Variants in SEMA4F observed in about 807,000 individuals in gnomAD.
SEMA4F encodes the protein ssemaphorin 4F.
A neutral mutation model predicts 78.4 loss-of-function variants in SEMA4F; 51 were observed. That is an observed-to-expected ratio of 0.65 (90% CI 0.52 to 0.82). The LOEUF (loss-of-function observed/expected upper bound fraction) is 0.82, where lower values mean the gene tolerates loss of function less well. Among genes scored for constraint, SEMA4F ranks in the 40% least tolerant of loss-of-function variants. The pLI is 0.00. For missense variants in SEMA4F, 938 were observed against 1,014.4 expected, an observed-to-expected ratio of 0.92 and a Z score of 1.02; for synonymous variants, 418 against 408.7, an observed-to-expected ratio of 1.02 and a Z score of -0.27.
chr2:74,689,135 G>GA, the SEMA4F span, among the ~76,000 whole-genome samples: 1 of 152,146 alleles, frequency 6.6e-6, no homozygotes, highest in East Asian at 1.9e-4. Context: ...AGCAGCTTGA[G>GA]AAACAGGTTT....
chr2:74,678,957 A>T (rs564884204), intron 12 of SEMA4F, among the ~76,000 whole-genome samples: 2 of 152,248 alleles, frequency 1.3e-5, no homozygotes, highest in East Asian at 3.9e-4. Context: ...GGTTGTGGAG[A>T]ACCAGGTTCA....
intron 5 of SEMA4F, among the ~76,000 whole-genome samples, chr2:74,670,946 C>G (rs1288862499): frequency 5.3e-5 from 8 of 151,878 alleles, no homozygotes; most frequent in Non-Finnish European, 1.2e-4. Context: ...GGAGCTATAA[C>G]TAACATGAAT....
chr2:74,679,718 A>C lies in SEMA4F; in HGVS notation c.1822A>C (p.Thr608Pro). ...WHQPSGVTAL[T>P]PRRDGLEVVV... ...CCAGCCCAGTGGAGTGACTGCACTC[A>C]CCCCCCGGCGGGATGGACTGGAGGT... The change falls in exon 14 of 14, where the codon ACC (threonine) becomes CCC (proline). Residue 608 changes from threonine to proline, a missense_variant. Physicochemically the swap from Thr to Pro is conservative, Grantham distance 38 (BLOSUM62 -1). Coordinates refer to ENST00000357877, the MANE Select transcript of SEMA4F (RefSeq NM_004263.5). The C allele has an allele frequency of 6.2e-7, 1 of 1,613,518 alleles. No homozygotes were observed. Among genetic ancestry groups the C allele is most frequent in the South Asian group, 1.1e-5 (1 of 91,042 alleles).
the SEMA4F span, among the ~76,000 whole-genome samples, chr2:74,696,007 C>T: frequency 2.0e-5 from 3 of 152,090 alleles, no homozygotes; most frequent in Admixed American, 2.0e-4. Context: ...AGCCAGGGCC[C>T]CACCTAAAAT....
chr2:74,689,195 T>C, the SEMA4F span, among the ~76,000 whole-genome samples: 28 of 152,366 alleles, frequency 1.8e-4, no homozygotes, highest in East Asian at 5.2e-3. Flanking sequence ...CCCCTGAAGC[T>C]ACTGAGACAG....
In SEMA4F at chr2:74,658,495, G is replaced by A. The variant is rs558542013; in HGVS notation, c.456+544G>A. Among the ~76,000 whole-genome samples, 6 of 152,260 alleles carry A rather than the reference G, an allele frequency of 3.9e-5. No individual in the cohort carries two copies. Among genetic ancestry groups the A allele is most frequent in the African/African-American group, 1.4e-4 (6 of 41,550 alleles). On this transcript the variant is annotated intron_variant, in intron 4 of 13. Transcript: ENST00000357877. This position sits in a 1 kb window ranked among gnomAD's most constrained non-coding sequence, Gnocchi z 4.3. ...ACTTCCACTAATGTAATATCTGCTG[G>A]CCCCATATTCTGGATCTTGCCTTCA... is the stretch of plus-strand genomic sequence containing the variant.
At chr2:74,689,446 A>G in the SEMA4F span, among the ~76,000 whole-genome samples, 1 of 152,360 alleles carries the variant, frequency 6.6e-6, no homozygotes, top group South Asian at 2.1e-4. Flanking sequence ...CATTCTGGTA[A>G]TATCTATTGA....
rs1457015110 is a variant in SEMA4F, at chr2:74,673,443, C to T, written c.551-14C>T. 6.2e-7 allele frequency: 1 copy of T among 1,613,586 alleles called. No homozygotes were observed. Among genetic ancestry groups the T allele is most frequent in the African/African-American group, 1.3e-5 (1 of 74,930 alleles). On this transcript the variant is annotated splice_polypyrimidine_tract_variant and intron_variant, in intron 5 of 13. Coordinates refer to ENST00000357877, the MANE Select transcript of SEMA4F (RefSeq NM_004263.5). Reference sequence around the variant, plus strand: ...GGGTCCCTGATAGCCCATCTCCTCCCTGTCGCCCTGCAGGGGGGGTCCTCT... The same window carrying T: ...GGGTCCCTGATAGCCCATCTCCTCCTTGTCGCCCTGCAGGGGGGGTCCTCT...
chr2:74,703,832 T>C, the SEMA4F span, among the ~76,000 whole-genome samples: 299 of 152,312 alleles, frequency 2.0e-3, 1 homozygote, highest in African/African-American at 6.6e-3. Context: ...GAGCTGCCAA[T>C]AGGAGGGTCC....
chr2:74,700,434 T>C, the SEMA4F span, among the ~76,000 whole-genome samples: 1 of 152,102 alleles, frequency 6.6e-6, no homozygotes, highest in South Asian at 2.1e-4. Context: ...TGCTGCCCCC[T>C]ACCCCATCCA....
At chr2:74,678,822 T>A (rs1421472331) in intron 12 of SEMA4F, among the ~76,000 whole-genome samples, 1 of 152,052 alleles carries the variant, frequency 6.6e-6, no homozygotes, top group Non-Finnish European at 1.5e-5. Flanking sequence ...AAACAAGAAG[T>A]CACCTCACTG....
chr2:74,705,197 G>A, the SEMA4F span, among the ~76,000 whole-genome samples: 2 of 152,226 alleles, frequency 1.3e-5, no homozygotes, highest in African/African-American at 4.8e-5. Context: ...CTGAGTAGGT[G>A]AGGAATATAA....
chr2:74,655,440 G>A (rs1684080246), intron 1 of SEMA4F: 1 of 218,968 alleles, frequency 4.6e-6, no homozygotes, highest in Non-Finnish European at 1.1e-5. Context: ...GGCATTGAGT[G>A]TTATTAGCAC....
At position 74,673,792 on chromosome 2, in the gene SEMA4F, G is replaced by A. The variant is rs143455366; in HGVS notation, c.786G>A (p.Glu262=). 3 of 1,614,072 alleles carry A rather than the reference G, an allele frequency of 1.9e-6. No homozygotes were observed. The African/African-American group carries it at 4.0e-5, about 22-fold the overall frequency. Residue 262 remains glutamate, a synonymous_variant, in exon 7 of 14, where the codon GAG becomes GAA. Coordinates refer to ENST00000357877, the MANE Select transcript of SEMA4F (RefSeq NM_004263.5). ...CTTCCCGAGCATTTGACTCATACGA[G>A]CGCATTAAAGTCCCACGGGTGGCCC... ...TETSRAFDSY[E]RIKVPRVARV... is the part of the protein sequence containing the mutation.
chr2:74,674,923 G>A lies in SEMA4F; in HGVS notation c.1037G>A (p.Arg346Gln), dbSNP rs1397494654. 5.6e-6 allele frequency: 9 copies of A among 1,613,826 alleles called. No homozygotes were observed. The highest frequency in any genetic ancestry group is 7.6e-6 in the Non-Finnish European group (9 of 1,180,026). Residue 346 changes from arginine to glutamine, a missense_variant, in exon 9 of 14, where the codon CGA (arginine) becomes CAA (glutamine). Transcript: ENST00000357877. The part of the protein sequence containing the change: ...GATISAVCAF[R>Q]PQDIRTVLNG... ...ACTATCTCTGCTGTCTGTGCCTTCCGACCACAAGACATTCGGACAGTGCTG... is the reference window on the plus strand; with the variant it reads ...ACTATCTCTGCTGTCTGTGCCTTCCAACCACAAGACATTCGGACAGTGCTG...
At chr2:74,700,216 G>A in the SEMA4F span, among the ~76,000 whole-genome samples, 1 of 152,134 alleles carries the variant, frequency 6.6e-6, no homozygotes, top group Non-Finnish European at 1.5e-5. Context: ...GGGCTTCAGA[G>A]CAGACATCTC....
At chr2:74,686,562 T>C (rs941933067), downstream of SEMA4F, among the ~76,000 whole-genome samples, 86 of 152,306 alleles carry the variant, frequency 5.6e-4, no homozygotes, top group Admixed American at 2.6e-3. Flanking sequence ...CATGCTACTA[T>C]AAAGACACGT....
chr2:74,662,714 C>T lies in SEMA4F; in HGVS notation c.457-18C>T, dbSNP rs762356726. On this transcript the variant is annotated intron_variant, in intron 4 of 13. Coordinates refer to ENST00000357877, the MANE Select transcript of SEMA4F (RefSeq NM_004263.5). ...TTCCCTATGACCCCTAAACCAATTGCCCCCTTCTGGTCTATAGGATGTGTC... is the reference window on the plus strand; with the variant it reads ...TTCCCTATGACCCCTAAACCAATTGTCCCCTTCTGGTCTATAGGATGTGTC... 4 of 1,589,632 alleles carry T rather than the reference C, an allele frequency of 2.5e-6. No homozygotes were observed. The highest frequency in any genetic ancestry group is 2.6e-6 in the Non-Finnish European group (3 of 1,157,624).
chr2:74,680,796 G>T lies in SEMA4F; in HGVS notation c.*587G>T, dbSNP rs1315779750. ...TGGCCACATGTGCATGAATGACTGG[G>T]CCGATGCTTAGGAATATTTATGAGG... On this transcript the variant is annotated 3_prime_UTR_variant, in exon 14 of 14. Coordinates refer to ENST00000357877, the MANE Select transcript of SEMA4F (RefSeq NM_004263.5). 1 of 152,222 alleles carries T rather than the reference G, an allele frequency of 6.6e-6. No homozygotes were observed. The highest frequency in any genetic ancestry group is 1.5e-5 in the Non-Finnish European group (1 of 68,114). The allele number at this position is 152,222 out of a possible 1,614,324, so 9.4% of individuals were successfully genotyped here. A position where few individuals can be genotyped will look rare whatever the true frequency, so the allele number is the denominator to read the frequency against.
Sources: allele counts gnomAD v4.1 joint callset (sites outside exome capture counted in the v4.1 genomes callset), GRCh38; gene constraint gnomAD v4.1.1; non-coding constraint Gnocchi (gnomAD v3.1); transcripts MANE v1.5; gene names NCBI Gene and HGNC (gene_info 2026-07-23, HGNC 2026-07-21).